Variants in HOMER2 observed in about 807,000 individuals in gnomAD.
HOMER2 encodes the protein homer protein homolog 2.
HOMER2 carries 27 observed loss-of-function variants against 47.0 expected under a neutral mutation model. The observed-to-expected ratio is 0.57, with a 90% CI of 0.42 to 0.79. The LOEUF (loss-of-function observed/expected upper bound fraction) is 0.79. Among genes scored for constraint, HOMER2 ranks in the 30% least tolerant of loss-of-function variants. HOMER2 has a pLI of 0.00. For missense variants in HOMER2, 443 were observed against 435.0 expected (o/e 1.02, Z -0.16); for synonymous variants, 161 against 163.8 (o/e 0.98, Z 0.13).
intron 1 of HOMER2, among the ~76,000 whole-genome samples, chr15:82,922,667 C>T (rs770233778): frequency 4.6e-5 from 7 of 152,088 alleles, no homozygotes; most frequent in Non-Finnish European, 1.0e-4. Context: ...CTACACAGGG[C>T]CAACTGCACT....
intron 1 of HOMER2, among the ~76,000 whole-genome samples, chr15:82,961,837 C>T (rs574176162): frequency 5.9e-5 from 9 of 152,118 alleles, no homozygotes; most frequent in African/African-American, 1.4e-4. Flanking sequence ...GATCTTGGCT[C>T]ACTGCAACCT....
At chr15:82,889,052 A>G (rs1035859662) in intron 2 of HOMER2, among the ~76,000 whole-genome samples, 1 of 152,176 alleles carries the variant, frequency 6.6e-6, no homozygotes, top group Non-Finnish European at 1.5e-5. Context: ...AGAAGCTCAA[A>G]GTAATATACT....
intron 5 of HOMER2, among the ~76,000 whole-genome samples, chr15:82,856,655 T>C (rs908410388): frequency 6.6e-6 from 1 of 152,152 alleles, no homozygotes; most frequent in South Asian, 2.1e-4. Flanking sequence ...GCTCTCACAA[T>C]TGTCTGATGA....
chr15:82,894,282 A>G (rs930326497), intron 1 of HOMER2, among the ~76,000 whole-genome samples: 1 of 152,238 alleles, frequency 6.6e-6, no homozygotes, highest in Non-Finnish European at 1.5e-5. Context: ...ATTCTAAGCT[A>G]TCTACTTCCC....
At chr15:82,859,741 G>T (rs144070139) in intron 4 of HOMER2, among the ~76,000 whole-genome samples, 1 of 152,218 alleles carries the variant, frequency 6.6e-6, no homozygotes, top group East Asian at 1.9e-4. Context: ...CCACGTAGAG[G>T]TGAAATCTCA....
chr15:82,879,394 GCTGAGGCAGGAGGATTAC>G (rs2052453986), intron 2 of HOMER2, among the ~76,000 whole-genome samples: 1 of 152,204 alleles, frequency 6.6e-6, no homozygotes, highest in African/African-American at 2.4e-5. Context: ...TACTCAGGGG[GCTGAGGCAGGAGGATTAC>G]CTGGGGCTCC....
At chr15:82,916,076 A>T (rs2053581174) in intron 1 of HOMER2, among the ~76,000 whole-genome samples, 1 of 152,126 alleles carries the variant, frequency 6.6e-6, no homozygotes, top group South Asian at 2.1e-4. Flanking sequence ...CCCCTTCCCT[A>T]CCAAATAGAA....
Position 82,852,258 on chromosome 15 carries a change from A to G in HOMER2, c.652-6T>C, listed in dbSNP as rs1225469135. The G allele has an allele frequency of 1.9e-6, 3 of 1,602,702 alleles. No individual in the cohort carries two copies. The highest frequency in any genetic ancestry group is 1.1e-5 in the South Asian group (1 of 90,834). On this transcript the variant is annotated splice_region_variant and splice_polypyrimidine_tract_variant and intron_variant, in intron 6 of 8. Transcript: ENST00000450735. ...TGTTCTTCCAGCTCATCAATCTTCA[A>G]TACACACCACACAGGAAAGCAGGGA...
chr15:82,858,404 C>T lies in HOMER2; in HGVS notation c.494+625G>A, dbSNP rs540826223. On this transcript the variant is annotated intron_variant, in intron 5 of 8. Coordinates refer to ENST00000450735, the MANE Select transcript of HOMER2 (RefSeq NM_004839.4). Reference sequence around the variant, plus strand: ...ACCTCCCAGGCTCAAGCAATCCTCCCAACTGAGCCACCAGAGTAGCTGGGA... The same window carrying T: ...ACCTCCCAGGCTCAAGCAATCCTCCTAACTGAGCCACCAGAGTAGCTGGGA... Among the ~76,000 whole-genome samples the T allele has an allele frequency of 1.8e-4, 27 of 152,228 alleles. No individual in the cohort carries two copies. The South Asian group carries it at 5.6e-3, about 32-fold the overall frequency.
chr15:82,882,691 C>T (rs966760641), intron 2 of HOMER2, among the ~76,000 whole-genome samples: 6 of 152,156 alleles, frequency 3.9e-5, no homozygotes, highest in African/African-American at 9.7e-5. Context: ...CCAGGTAGAG[C>T]GTGACACATG....
intron 1 of HOMER2, among the ~76,000 whole-genome samples, chr15:82,933,199 CAGGGGTGTTCA>C (rs2054059573): frequency 6.6e-6 from 1 of 151,900 alleles, no homozygotes; most frequent in Non-Finnish European, 1.5e-5. Context: ...ATAGGATGGG[CAGGGGTGTTCA>C]GAGACCCCAC....
intron 2 of HOMER2, among the ~76,000 whole-genome samples, chr15:82,881,333 G>T (rs188319394): frequency 1.4e-4 from 22 of 152,208 alleles, no homozygotes; most frequent in Non-Finnish European, 2.2e-4. Context: ...TCATGAAACA[G>T]GCAGGGGGAG....
intron 1 of HOMER2, among the ~76,000 whole-genome samples, chr15:82,942,358 T>C (rs935615665): frequency 6.6e-6 from 1 of 152,102 alleles, no homozygotes; most frequent in Non-Finnish European, 1.5e-5. Flanking sequence ...TGATGAAGGG[T>C]GATCAGAAAG....
chr15:82,852,998 G>A (rs1369140110), intron 6 of HOMER2, among the ~76,000 whole-genome samples: 2 of 152,226 alleles, frequency 1.3e-5, no homozygotes, highest in Non-Finnish European at 2.9e-5. Flanking sequence ...GACAGCAGGC[G>A]TGGACCCCAC....
chr15:82,893,312 G>C (rs1174258589), intron 1 of HOMER2, among the ~76,000 whole-genome samples: 4 of 148,220 alleles, frequency 2.7e-5, no homozygotes, highest in Admixed American at 2.0e-4. Flanking sequence ...AGTAATTTAT[G>C]AATGACATAA....
chr15:82,973,717 C>A (rs902368412), intron 1 of HOMER2, among the ~76,000 whole-genome samples: 1 of 152,182 alleles, frequency 6.6e-6, no homozygotes, highest in Non-Finnish European at 1.5e-5. Context: ...AATCAGGAAA[C>A]TGAGGCTCAG....
intron 1 of HOMER2, among the ~76,000 whole-genome samples, chr15:82,964,578 C>A (rs1448787893): frequency 6.6e-6 from 1 of 152,128 alleles, no homozygotes; most frequent in Non-Finnish European, 1.5e-5. Flanking sequence ...CCAGCCTGGC[C>A]AACATGGTAA....
exon 2 of HOMER2, chr15:82,838,938 A>G (rs1243396454): frequency 6.6e-6 from 1 of 152,258 alleles, no homozygotes; most frequent in Non-Finnish European, 1.5e-5. Context: ...CCATGTGAAT[A>G]GCCTGTTCCA....
chr15:82,951,979 T>TGAA (rs2054516368), intron 1 of HOMER2: 1 of 827,300 alleles, frequency 1.2e-6, no homozygotes, highest in Non-Finnish European at 1.5e-6. Flanking sequence ...CCTGAGCATC[T>TGAA]ACTCAGTTGT....
Sources: allele counts gnomAD v4.1 joint callset (sites outside exome capture counted in the v4.1 genomes callset), GRCh38; gene constraint gnomAD v4.1.1; transcripts MANE v1.5; gene names NCBI Gene and HGNC (gene_info 2026-07-23, HGNC 2026-07-21).